The following FGF12 variants were observed in gnomAD, a reference collection of about 807,000 sequenced individuals.
FGF12 encodes the protein fibroblast growth factor 12.
A neutral mutation model predicts 23.6 loss-of-function variants in FGF12; 14 were observed. The ratio of observed to expected loss-of-function variants is 0.59; its 90% CI spans 0.39 to 0.93. The LOEUF (loss-of-function observed/expected upper bound fraction) is 0.93. FGF12 is among the 40% of genes least tolerant of loss of function. FGF12 has a pLI of 0.00. For synonymous variants in FGF12, 62 were observed against 77.3 expected (o/e 0.80, Z 1.04); for missense variants, 175 against 217.8 (o/e 0.80, Z 1.24).
intron 2 of FGF12, among the ~76,000 whole-genome samples, chr3:192,362,007 C>T (rs544425669): frequency 6.6e-6 from 1 of 152,116 alleles, no homozygotes; most frequent in African/African-American, 2.4e-5. Flanking sequence ...AATTTGTGAA[C>T]CTCAATGTCC....
intron 2 of FGF12, among the ~76,000 whole-genome samples, chr3:192,405,881 G>A (rs1198051051): frequency 6.6e-6 from 1 of 152,132 alleles, no homozygotes; most frequent in Non-Finnish European, 1.5e-5. Flanking sequence ...CACACCACAT[G>A]CCCATTCTTC....
intron 4 of FGF12, among the ~76,000 whole-genome samples, chr3:192,331,323 A>C (rs925610323): frequency 1.0e-4 from 15 of 149,930 alleles, no homozygotes; most frequent in East Asian, 5.8e-4. Flanking sequence ...AAAAAAAAAA[A>C]AAAAAAAAAC....
At chr3:192,354,093 A>G (rs1347130964) in intron 3 of FGF12, among the ~76,000 whole-genome samples, 1 of 152,238 alleles carries the variant, frequency 6.6e-6, no homozygotes, top group Non-Finnish European at 1.5e-5. Flanking sequence ...TATAGAAAAC[A>G]TAACGAGTGA....
intron 4 of FGF12, among the ~76,000 whole-genome samples, chr3:192,219,367 G>T (rs974658337): frequency 5.9e-5 from 9 of 151,820 alleles, no homozygotes; most frequent in African/African-American, 2.2e-4. Context: ...TTACAGATGT[G>T]AGCCACTGCG....
chr3:192,344,142 C>T (rs1316790781), intron 3 of FGF12, among the ~76,000 whole-genome samples: 1 of 152,148 alleles, frequency 6.6e-6, no homozygotes, highest in African/African-American at 2.4e-5. Flanking sequence ...TTTCTTGGCT[C>T]TGAATGCTTC....
chr3:192,492,491 T>C (rs1723829421), intron 2 of FGF12, among the ~76,000 whole-genome samples: 1 of 151,642 alleles, frequency 6.6e-6, no homozygotes, highest in Non-Finnish European at 1.5e-5. Flanking sequence ...CATTGCAGAG[T>C]TTTTTGAAAC....
At chr3:192,504,456 C>A (rs1354704477) in intron 2 of FGF12, among the ~76,000 whole-genome samples, 3 of 152,224 alleles carry the variant, frequency 2.0e-5, no homozygotes, top group Non-Finnish European at 4.4e-5. Context: ...AAAAGAGGCA[C>A]TTCTGCCTTT....
chr3:192,610,036 T>A (rs1268554684), intron 2 of FGF12, among the ~76,000 whole-genome samples: 1 of 152,070 alleles, frequency 6.6e-6, no homozygotes. Flanking sequence ...TTTAAATACA[T>A]CCATGATCAT....
At chr3:192,193,766 C>CT (rs113053865) in intron 4 of FGF12, among the ~76,000 whole-genome samples, 295 of 148,008 alleles carry the variant, frequency 2.0e-3, no homozygotes, top group African/African-American at 6.6e-3. Context: ...CCACTGTCTT[C>CT]TTTTTTTTTT....
chr3:192,494,289 A>G (rs1349190446), intron 2 of FGF12, among the ~76,000 whole-genome samples: 1 of 152,162 alleles, frequency 6.6e-6, no homozygotes, highest in African/African-American at 2.4e-5. Context: ...TCCCTCTGCA[A>G]TATCCCTACA....
chr3:192,690,586 C>CAAAAA (rs35837229), intron 2 of FGF12, among the ~76,000 whole-genome samples: 3 of 92,098 alleles, frequency 3.3e-5, no homozygotes, highest in Non-Finnish European at 6.7e-5. Flanking sequence ...CACAACACTA[C>CAAAAA]AAAAAAAAAA....
intron 2 of FGF12, among the ~76,000 whole-genome samples, chr3:192,494,100 A>G (rs2108828146): frequency 6.6e-6 from 1 of 152,324 alleles, no homozygotes; most frequent in South Asian, 2.1e-4. Flanking sequence ...TCTACTATTT[A>G]GCATAACCAA....
intron 2 of FGF12, among the ~76,000 whole-genome samples, chr3:192,531,990 A>G (rs558225495): frequency 1.3e-5 from 2 of 152,198 alleles, no homozygotes; most frequent in Non-Finnish European, 2.9e-5. Context: ...TCCCAGCAAC[A>G]TTTATTTAAT....
At chr3:192,647,923 C>T (rs1716074543) in intron 2 of FGF12, among the ~76,000 whole-genome samples, 1 of 151,766 alleles carries the variant, frequency 6.6e-6, no homozygotes, top group Non-Finnish European at 1.5e-5. Context: ...TGAATAAAAA[C>T]ACTTTAGTAT....
intron 5 of FGF12, among the ~76,000 whole-genome samples, chr3:192,158,655 C>CCCTCCCTTCCTTCTTTCCTTCCTT (rs1553844333): frequency 3.7e-5 from 1 of 27,070 alleles, no homozygotes; most frequent in African/African-American, 2.1e-4. Context: ...CTCCCTCCCT[C>CCCTCCCTTCCTTCTTTCCTTCCTT]CCTTCCTTCC....
intron 4 of FGF12, among the ~76,000 whole-genome samples, chr3:192,279,041 A>G: frequency 6.6e-6 from 1 of 152,048 alleles, no homozygotes; most frequent in East Asian, 1.9e-4. Flanking sequence ...GGAAGTGTTT[A>G]TATTATATTG....
Position 192,360,988 on chromosome 3 carries a change from G to A in FGF12, c.14-450C>T, listed in dbSNP as rs185214596. Among the ~76,000 whole-genome samples the A allele has an allele frequency of 6.6e-6, 1 of 151,792 alleles. No homozygotes were observed. The highest frequency in any genetic ancestry group is 2.1e-4 in the South Asian group (1 of 4,816). ...GTCAGCTCTCCATCAGAAGTTCCTG[G>A]GTTTTGAATTTGTGATCAAGTTCAG... On this transcript the variant is annotated intron_variant, in intron 2 of 5. Coordinates refer to ENST00000445105, the MANE Select transcript of FGF12 (RefSeq NM_004113.6). The surrounding 1 kb of genome is among the most constrained non-coding windows in gnomAD (Gnocchi z 4.3).
chr3:192,186,726 GAAC>G (rs1224896099), intron 4 of FGF12, among the ~76,000 whole-genome samples: 7 of 152,168 alleles, frequency 4.6e-5, no homozygotes, highest in Non-Finnish European at 8.8e-5. Flanking sequence ...GCAGTTTCAA[GAAC>G]AACTGAAAAA....
intron 2 of FGF12, among the ~76,000 whole-genome samples, chr3:192,394,317 T>C (rs1258105263): frequency 6.6e-6 from 1 of 152,202 alleles, no homozygotes; most frequent in African/African-American, 2.4e-5. Context: ...AGTCAATTTG[T>C]GTCCAGTTGA....
Sources: gnomAD v4.1 joint callset for allele counts (sites outside exome capture counted in the v4.1 genomes callset) on GRCh38, gnomAD v4.1.1 for gene constraint, Gnocchi (gnomAD v3.1) non-coding constraint, MANE v1.5 for transcripts, NCBI Gene and HGNC (gene_info 2026-07-23, HGNC 2026-07-21) for gene names.